The following IGFLR1 variants were observed in gnomAD, a reference collection of about 807,000 sequenced individuals.
The protein encoded by IGFLR1 is IGF-like family receptor 1.
A neutral mutation model predicts 23.4 loss-of-function variants in IGFLR1; 17 were observed. The ratio of observed to expected loss-of-function variants is 0.73; its 90% confidence interval spans 0.50 to 1.09. The LOEUF (loss-of-function observed/expected upper bound fraction) is 1.09, where lower values mean the gene tolerates loss of function less well. Among genes scored for constraint, IGFLR1 ranks in the 50% least tolerant of loss-of-function variants. IGFLR1 has a pLI of 0.00. For missense variants in IGFLR1, 556 were observed against 459.2 expected, an observed-to-expected ratio of 1.21 and a Z score of -1.93; for synonymous variants, 265 against 210.7, an observed-to-expected ratio of 1.26 and a Z score of -2.23.
rs1238896697 is a variant in IGFLR1 at position 35,741,272 on chromosome 19, G to A, written c.-43-49C>T. ...CAGAAGAAAGGACGCGGTGATGTGG[G>A]GGAACAGAATTCTCACGCCTCTTCG... is the stretch of plus-strand genomic sequence containing the variant. On this transcript the variant is annotated intron_variant, in intron 1 of 4. Coordinates refer to ENST00000246532, the MANE Select transcript of IGFLR1 (RefSeq NM_024660.4). 4.5e-6 allele frequency: 7 copies of A among 1,541,118 alleles called. No homozygotes were observed. In the South Asian group the frequency reaches 7.1e-5, roughly 16 times the overall value.
chr19:35,739,669 C>T, intron 4 of IGFLR1, 41 bp downstream of exon 4: 2 of 1,573,054 alleles, frequency 1.3e-6, no homozygotes, highest in Non-Finnish European at 1.7e-6. Flanking sequence ...GAGCGGGCGT[C>T]CAGTCCACCT....
At position 35,739,540 on chromosome 19, in the gene IGFLR1, C is replaced by T. The variant is rs1970077536; in HGVS notation, c.808G>A (p.Glu270Lys). 6 of 1,613,998 alleles carry T rather than the reference C, an allele frequency of 3.7e-6. No individual in the cohort carries two copies. Among genetic ancestry groups the T allele is most frequent in the East Asian group, 2.2e-5 (1 of 44,900 alleles). ...LEELIVLLDP[E>K]PGPGGGMAHG... ...GCCATACCCCCACCTGGCCCAGGCT[C>T]AGGGTCCAGCAGTACAATCAGCTCT... The change falls in exon 5 of 5, where the codon GAG becomes AAG. Residue 270 changes from glutamate (E) to lysine (K), a missense_variant. Physicochemically the swap from Glu to Lys is moderately conservative, Grantham distance 56 (BLOSUM62 1). Transcript: ENST00000246532.
At chr19:35,742,193 C>T (rs1485290262) in intron 1 of IGFLR1, among the ~76,000 whole-genome samples, 1 of 152,208 alleles carries the variant, frequency 6.6e-6, no homozygotes, top group Non-Finnish European at 1.5e-5. Context: ...TTACTAACTC[C>T]CATCACAATT....
intron 4 of IGFLR1, 36 bp from the exon 5 acceptor site, chr19:35,739,662 C>A: frequency 6.3e-7 from 1 of 1,577,778 alleles, no homozygotes; most frequent in South Asian, 1.2e-5. Flanking sequence ...TGCGGAAGAG[C>A]GGGCGTCCAG....
chr19:35,742,291 C>A, intron 1 of IGFLR1, 105 bp downstream of exon 1: 1 of 910,900 alleles, frequency 1.1e-6, no homozygotes, highest in Non-Finnish European at 1.5e-6. Flanking sequence ...CTCCTTGGGG[C>A]TAGGGCTCCT....
intron 2 of IGFLR1, 128 bp downstream of exon 2, chr19:35,740,896 C>T (rs1970190725): frequency 6.0e-6 from 5 of 839,474 alleles, no homozygotes; most frequent in Non-Finnish European, 9.2e-6. Context: ...CCTGTCTGAT[C>T]TGCATAAGGC....
chr19:35,739,076 C>T lies in IGFLR1; in HGVS notation c.*204G>A. Reference sequence around the variant, plus strand: ...AACTGTCTGTAGCAGGGTTGTTTCCCAGAGGGGATTCTGGTGGCCCAGAGG... The same window carrying T: ...AACTGTCTGTAGCAGGGTTGTTTCCTAGAGGGGATTCTGGTGGCCCAGAGG... On this transcript the variant is annotated 3_prime_UTR_variant, in exon 5 of 5. Transcript: ENST00000246532. 1.7e-6 allele frequency: 1 copy of T among 589,150 alleles called. No individual in the cohort carries two copies. The highest frequency in any genetic ancestry group is 3.0e-6 in the Non-Finnish European group (1 of 335,736). The allele number at this position is 589,150 out of a possible 1,614,324, so 36.5% of individuals were successfully genotyped here.
Position 35,741,073 on chromosome 19 carries a change from G to C in IGFLR1, c.108C>G (p.Asn36Lys). 6.2e-7 allele frequency: 1 copy of C among 1,606,928 alleles called. No homozygotes were observed. The highest frequency in any genetic ancestry group is 8.5e-7 in the Non-Finnish European group (1 of 1,175,816). ...CGRLEYWNPD[N>K]KCCSSCLQRF... ...GTTGCAGGCAGCTGCTGCAGCACTT[G>C]TTGTCTGGGTTCCAGTATTCAAGGC... The change falls in exon 2 of 5, where the codon AAC becomes AAG. Residue 36 changes from asparagine to lysine, a missense_variant. Physicochemically the swap from Asn to Lys is moderately conservative, Grantham distance 94. Coordinates refer to ENST00000246532, the MANE Select transcript of IGFLR1 (RefSeq NM_024660.4).
Position 35,739,859 on chromosome 19 carries a change from T to G in IGFLR1, c.572A>C (p.Lys191Thr), listed in dbSNP as rs772659624. 1 of 1,613,366 alleles carries G rather than the reference T, an allele frequency of 6.2e-7. No individual in the cohort carries two copies. The highest frequency in any genetic ancestry group is 1.1e-5 in the South Asian group (1 of 91,078). Reference sequence around the variant, plus strand: ...ATAGGGATAGGGGTCGGCTTTCTCCTTGGGCCAGCAGAGATGCCAGAGCAG... The same window carrying G: ...ATAGGGATAGGGGTCGGCTTTCTCCGTGGGCCAGCAGAGATGCCAGAGCAG... ...FILLWHLCWP[K>T]EKADPYPYPG... The change falls in exon 4 of 5, where the codon AAG becomes ACG. Residue 191 changes from lysine to threonine, a missense_variant. Transcript: ENST00000246532.
chr19:35,741,516 C>T (rs188472037), intron 1 of IGFLR1: 123 of 302,484 alleles, frequency 4.1e-4, no homozygotes, highest in African/African-American at 3.0e-3. Flanking sequence ...GAATTAGAAC[C>T]GTCATTAGAA....
chr19:35,740,789 C>A, intron 2 of IGFLR1: 1 of 635,962 alleles, frequency 1.6e-6, no homozygotes, highest in Non-Finnish European at 2.7e-6. Context: ...ATAAAGCCCA[C>A]CCTTTCCACG....
chr19:35,739,228 C>G lies in IGFLR1; in HGVS notation c.*52G>C. On this transcript the variant is annotated 3_prime_UTR_variant, in exon 5 of 5. Transcript: ENST00000246532. ...TAGGATTGTACTTCAAGAAGTACTT[C>G]AGTGCTAATTGTATACTGGGCTTAG... 1 of 1,424,478 alleles carries G rather than the reference C, an allele frequency of 7.0e-7. No homozygotes were observed. The highest frequency in any genetic ancestry group is 1.4e-5 in the South Asian group (1 of 71,502). 88.2% of individuals were successfully genotyped at this position (1,424,478 alleles called of 1,614,324 possible). A position where few individuals can be genotyped will look rare whatever the true frequency, so the allele number is the denominator to read the frequency against.
In IGFLR1 at chr19:35,739,072, T is replaced by A. The variant is rs1012121993; in HGVS notation, c.*208A>T. The A allele has an allele frequency of 2.4e-5, 14 of 584,452 alleles. No individual in the cohort carries two copies. The highest frequency in any genetic ancestry group is 4.2e-5 in the Non-Finnish European group (14 of 332,540). 36.2% of individuals were successfully genotyped at this position (584,452 alleles called of 1,614,324 possible). A position where few individuals can be genotyped will look rare whatever the true frequency, so the allele number is the denominator to read the frequency against. ...CAGCAACTGTCTGTAGCAGGGTTGT[T>A]TCCCAGAGGGGATTCTGGTGGCCCA... On this transcript the variant is annotated 3_prime_UTR_variant, in exon 5 of 5. Transcript: ENST00000246532.
chr19:35,740,740 T>A lies in IGFLR1; in HGVS notation c.158-176A>T, dbSNP rs568604737. On this transcript the variant is annotated intron_variant, in intron 2 of 4. Transcript: ENST00000246532. ...CTCGCCTTTTCACCCCCCTCCAGCC[T>A]GCTCCGCACGAAGCTCCGCCCACTC... 7 of 686,290 alleles carry A rather than the reference T, an allele frequency of 1.0e-5. 1 individual carries two copies. The South Asian group carries it at 1.4e-4, about 13-fold the overall frequency. The allele number at this position is 686,290 out of a possible 1,614,324, so 42.5% of individuals were successfully genotyped here. A position where few individuals can be genotyped will look rare whatever the true frequency, so the allele number is the denominator to read the frequency against.
At chr19:35,741,476 A>G (rs1970231082) in intron 1 of IGFLR1, 3 of 429,888 alleles carry the variant, frequency 7.0e-6, no homozygotes, top group Non-Finnish European at 1.3e-5. Context: ...TAAGACAATG[A>G]TAGCACCTGT....
At position 35,742,402 on chromosome 19, in the gene IGFLR1, G is replaced by C; in HGVS notation, c.-50C>G. 6.5e-7 allele frequency: 1 copy of C among 1,531,998 alleles called. No individual in the cohort carries two copies. The highest frequency in any genetic ancestry group is 8.7e-7 in the Non-Finnish European group (1 of 1,144,650). 94.9% of individuals were successfully genotyped at this position (1,531,998 alleles called of 1,614,324 possible). A position where few individuals can be genotyped will look rare whatever the true frequency, so the allele number is the denominator to read the frequency against. ...GTCCCCACCCTACCAGTACCGTTAG[G>C]GTCCTGGGTCCCAAGCTGGCCGTGC... On this transcript the variant is annotated 5_prime_UTR_variant, in exon 1 of 5. Coordinates refer to ENST00000246532, the MANE Select transcript of IGFLR1 (RefSeq NM_024660.4).
At position 35,741,074 on chromosome 19, in the gene IGFLR1, T is replaced by C. The variant is rs574371081; in HGVS notation, c.107A>G (p.Asn36Ser). ...TTGCAGGCAGCTGCTGCAGCACTTG[T>C]TGTCTGGGTTCCAGTATTCAAGGCG... Reference protein sequence around the residue: ...CGRLEYWNPDNKCCSSCLQRF... With the variant: ...CGRLEYWNPDSKCCSSCLQRF... The change falls in exon 2 of 5, where the codon AAC (asparagine) becomes AGC (serine). Residue 36 changes from asparagine (N) to serine (S), a missense_variant. Transcript: ENST00000246532. 4.4e-6 allele frequency: 7 copies of C among 1,606,740 alleles called. No homozygotes were observed. The highest frequency in any genetic ancestry group is 1.7e-5 in the Admixed American group (1 of 59,172).
intron 4 of IGFLR1, 28 bp downstream of exon 4, chr19:35,739,682 C>T (rs769926514): frequency 1.3e-6 from 2 of 1,563,906 alleles, no homozygotes; most frequent in South Asian, 2.4e-5. Context: ...GTCCACCTTC[C>T]CTGCCCCGGG....
chr19:35,740,368 TC>T lies in IGFLR1; in HGVS notation c.342+11del. 1.3e-6 allele frequency: 2 copies of T among 1,560,306 alleles called. No individual in the cohort carries two copies. The highest frequency in any genetic ancestry group is 1.2e-5 in the South Asian group (1 of 85,254). ...CAGCACGCCCTTGCCCTGCCGGGAGTCCCATCTGCACCTCTCTGCAGCGCCA... is the reference window on the plus strand; with the variant it reads ...CAGCACGCCCTTGCCCTGCCGGGAGTCCATCTGCACCTCTCTGCAGCGCCA... On this transcript the variant is annotated intron_variant, in intron 3 of 4. Transcript: ENST00000246532.
Sources: gnomAD v4.1 joint callset for allele counts (sites outside exome capture counted in the v4.1 genomes callset) on GRCh38, gnomAD v4.1.1 for gene constraint, MANE v1.5 for transcripts, NCBI Gene and HGNC (gene_info 2026-07-23, HGNC 2026-07-21) for gene names.